Variants in RAPGEF4 observed in about 807,000 individuals in gnomAD.
RAPGEF4 encodes RAP guanine-nucleotide-exchange factor (GEF) 4.
Under a neutral mutation model 147.9 loss-of-function variants are expected in RAPGEF4, and 66 were observed. That is an observed-to-expected ratio of 0.45 (90% confidence interval 0.37 to 0.55). The LOEUF is 0.55. Among genes scored for constraint, RAPGEF4 ranks in the 20% least tolerant of loss-of-function variants. The probability of loss-of-function intolerance (pLI) is 0.00; values close to 1 mark genes in which losing one functional copy is unlikely to be tolerated. For missense variants in RAPGEF4, 1,071 were observed against 1,257.3 expected (o/e 0.85, Z 2.24); for synonymous variants, 419 against 442.7 (o/e 0.95, Z 0.67).
intron 26 of RAPGEF4, among the ~76,000 whole-genome samples, chr2:173,031,244 C>T (rs1697162160): frequency 6.6e-6 from 1 of 152,170 alleles, no homozygotes; most frequent in Non-Finnish European, 1.5e-5. Flanking sequence ...TCTTAAAATT[C>T]CAGGCAGATG....
chr2:173,037,997 G>A (rs1177464744), intron 29 of RAPGEF4, among the ~76,000 whole-genome samples: 1 of 152,178 alleles, frequency 6.6e-6, no homozygotes, highest in Admixed American at 6.5e-5. Flanking sequence ...TCAGCCCGGG[G>A]AATGCGCTTA....
At chr2:173,030,614 C>T (rs902487105) in intron 26 of RAPGEF4, among the ~76,000 whole-genome samples, 6 of 152,170 alleles carry the variant, frequency 3.9e-5, no homozygotes, top group Non-Finnish European at 5.9e-5. Flanking sequence ...CTGCTTGTTG[C>T]TTTTGCCATA....
intron 11 of RAPGEF4, among the ~76,000 whole-genome samples, chr2:172,984,469 T>G (rs6738441): frequency 0.073 from 11,100 of 152,232 alleles, 598 homozygotes; most frequent in South Asian, 0.16. Context: ...CCCTCTCCCC[T>G]TCAACCTAGA....
Position 172,810,384 on chromosome 2 carries a change from G to A in RAPGEF4, c.298-3895G>A, listed in dbSNP as rs928937963. ...TTCACCTGTTGTGAGGAATAAATGAGGCATCGTCATTGAGACACTTGGCCA... is the reference window on the plus strand; with the variant it reads ...TTCACCTGTTGTGAGGAATAAATGAAGCATCGTCATTGAGACACTTGGCCA... On this transcript the variant is annotated intron_variant, in intron 3 of 30. Coordinates refer to ENST00000397081, the MANE Select transcript of RAPGEF4 (RefSeq NM_007023.4). 2.0e-5 allele frequency among the ~76,000 whole-genome samples: 3 copies of A among 152,222 alleles called. No homozygotes were observed. The East Asian group carries it at 5.8e-4, about 29-fold the overall frequency.
chr2:173,031,403 G>A (rs541432583), intron 26 of RAPGEF4, among the ~76,000 whole-genome samples: 25 of 152,300 alleles, frequency 1.6e-4, no homozygotes, highest in Admixed American at 1.1e-3. Context: ...CAACTCCCTC[G>A]TCTTATAGTC....
At chr2:172,970,500 C>T (rs1182342764) in intron 10 of RAPGEF4, among the ~76,000 whole-genome samples, 1 of 152,116 alleles carries the variant, frequency 6.6e-6, no homozygotes, top group African/African-American at 2.4e-5. Flanking sequence ...AGAGAGGTTG[C>T]AGAACTCTGA....
intron 4 of RAPGEF4, among the ~76,000 whole-genome samples, chr2:172,879,863 A>G (rs1696403353): frequency 6.6e-6 from 1 of 152,236 alleles, no homozygotes; most frequent in South Asian, 2.1e-4. Context: ...GTTGCAACTT[A>G]GCTTTCTGGG....
At chr2:172,946,526 T>G (rs1219866824) in intron 6 of RAPGEF4, among the ~76,000 whole-genome samples, 1 of 152,212 alleles carries the variant, frequency 6.6e-6, no homozygotes, top group East Asian at 1.9e-4. Flanking sequence ...CAACTCCAGC[T>G]GTAGGCTACA....
intron 4 of RAPGEF4, among the ~76,000 whole-genome samples, chr2:172,838,504 G>A (rs1290041679): frequency 1.3e-5 from 2 of 152,156 alleles, no homozygotes; most frequent in Non-Finnish European, 2.9e-5. Context: ...GGATCCAGAA[G>A]CAGCTTTGAG....
chr2:172,774,052 T>G (rs970977736), intron 1 of RAPGEF4, among the ~76,000 whole-genome samples: 1 of 152,152 alleles, frequency 6.6e-6, no homozygotes, highest in African/African-American at 2.4e-5. Flanking sequence ...CATGACCATC[T>G]CCAGAAAAAA....
chr2:173,045,440 T>C (rs1685343791), intron 29 of RAPGEF4, among the ~76,000 whole-genome samples: 1 of 152,222 alleles, frequency 6.6e-6, no homozygotes, highest in African/African-American at 2.4e-5. Flanking sequence ...GAACCAAAAC[T>C]GTCTTATGAA....
At chr2:172,944,388 C>A (rs962052725) in intron 6 of RAPGEF4, among the ~76,000 whole-genome samples, 3 of 152,142 alleles carry the variant, frequency 2.0e-5, no homozygotes, top group African/African-American at 7.2e-5. Flanking sequence ...TGTAGTGTTT[C>A]CATGTTAGGT....
chr2:173,012,497 A>C (rs545209063), intron 17 of RAPGEF4, among the ~76,000 whole-genome samples: 2 of 152,352 alleles, frequency 1.3e-5, no homozygotes, highest in African/African-American at 4.8e-5. Context: ...GCACAAACAC[A>C]AGATACCATA....
chr2:173,007,050 G>A (rs765431087), intron 17 of RAPGEF4, among the ~76,000 whole-genome samples: 23 of 152,118 alleles, frequency 1.5e-4, no homozygotes, highest in Non-Finnish European at 2.2e-4. Flanking sequence ...ACATGTTCTC[G>A]GCCTCATATC....
intron 6 of RAPGEF4, among the ~76,000 whole-genome samples, chr2:172,931,823 G>A (rs1686009347): frequency 6.6e-6 from 1 of 152,150 alleles, no homozygotes; most frequent in South Asian, 2.1e-4. Flanking sequence ...TTTTATAAGT[G>A]TCAAAGCATT....
At chr2:172,742,408 C>T (rs1278389030) in intron 1 of RAPGEF4, among the ~76,000 whole-genome samples, 2 of 151,922 alleles carry the variant, frequency 1.3e-5, no homozygotes, top group Non-Finnish European at 2.9e-5. Context: ...TTTCATTGTA[C>T]CTCCATGCAG....
intron 4 of RAPGEF4, among the ~76,000 whole-genome samples, chr2:172,834,824 G>A (rs1192147849): frequency 1.3e-5 from 2 of 152,102 alleles, no homozygotes; most frequent in Non-Finnish European, 2.9e-5. Context: ...TTTAAACATC[G>A]AAATAGTCTT....
intron 1 of RAPGEF4, among the ~76,000 whole-genome samples, chr2:172,744,585 A>G (rs1694609207): frequency 6.6e-6 from 1 of 152,230 alleles, no homozygotes; most frequent in Admixed American, 6.5e-5. Flanking sequence ...GTTACTTTAT[A>G]GATTCATTGG....
intron 1 of RAPGEF4, among the ~76,000 whole-genome samples, chr2:172,783,252 G>A (rs1168020835): frequency 1.3e-5 from 2 of 152,166 alleles, no homozygotes; most frequent in Admixed American, 6.5e-5. Context: ...TCGGGGAGGT[G>A]GAAGTATTTG....
Sources: allele counts gnomAD v4.1 joint callset (sites outside exome capture counted in the v4.1 genomes callset), GRCh38; gene constraint gnomAD v4.1.1; transcripts MANE v1.5; gene names NCBI Gene and HGNC (gene_info 2026-07-23, HGNC 2026-07-21).